The following ROBO1 variants were observed in gnomAD, a reference collection of about 807,000 sequenced individuals.
ROBO1 encodes the protein roundabout guidance receptor 1.
ROBO1 carries 149 observed loss-of-function variants against 195.9 expected under a neutral mutation model. The observed-to-expected ratio is 0.76, with a 90% confidence interval of 0.67 to 0.87. The LOEUF (loss-of-function observed/expected upper bound fraction) is 0.87. ROBO1 is among the 40% of genes least tolerant of loss of function. The probability of loss-of-function intolerance (pLI) is 0.00; values close to 1 mark genes in which losing one functional copy is unlikely to be tolerated. For missense variants in ROBO1, 1,933 were observed against 2,068.3 expected, an observed-to-expected ratio of 0.93 and a Z score of 1.27; for synonymous variants, 816 against 733.2, an observed-to-expected ratio of 1.11 and a Z score of -1.82.
intron 3 of ROBO1, among the ~76,000 whole-genome samples, chr3:78,975,017 C>A (rs1302467263): frequency 1.3e-5 from 2 of 151,996 alleles, no homozygotes; most frequent in African/African-American, 4.8e-5. Flanking sequence ...TAAATCAGAG[C>A]CAGAAAGTTT....
intron 19 of ROBO1, among the ~76,000 whole-genome samples, chr3:78,650,126 C>T (rs1476937993): frequency 6.6e-6 from 1 of 152,062 alleles, no homozygotes; most frequent in Non-Finnish European, 1.5e-5. Flanking sequence ...AAACACCCTA[C>T]CCCTTCCCCA....
In ROBO1 at chr3:79,365,884, A is replaced by G. The variant is rs559482362; in HGVS notation, c.88+223940T>C. 9.3e-4 allele frequency among the ~76,000 whole-genome samples: 132 copies of G among 141,346 alleles called. 2 individuals carry two copies. The East Asian group carries it at 0.023, about 25-fold the overall frequency. The allele number at this position is 141,346 out of a possible 152,430, so 92.7% of individuals were successfully genotyped here. On this transcript the variant is annotated intron_variant, in intron 2 of 30. Transcript: ENST00000464233. ...TGCACTCCAGCCTGGGCGACACAGC[A>G]AGACTCCGTCTCAAAAAAAAAAAAA... is the stretch of plus-strand genomic sequence containing the variant.
At chr3:78,698,351 G>A (rs1053453563) in intron 8 of ROBO1, among the ~76,000 whole-genome samples, 1 of 152,108 alleles carries the variant, frequency 6.6e-6, no homozygotes, top group South Asian at 2.1e-4. Context: ...TACTAGGTAT[G>A]ATTTCTTTTG....
intron 4 of ROBO1, among the ~76,000 whole-genome samples, chr3:78,764,861 T>A (rs955992414): frequency 6.6e-6 from 1 of 152,118 alleles, no homozygotes; most frequent in African/African-American, 2.4e-5. Flanking sequence ...GTTCATTCTG[T>A]CATCATGACA....
At chr3:79,268,941 A>T (rs550287479) in intron 2 of ROBO1, among the ~76,000 whole-genome samples, 1 of 151,882 alleles carries the variant, frequency 6.6e-6, no homozygotes, top group South Asian at 2.1e-4. Flanking sequence ...ATATTTCATA[A>T]TAAGTACAAC....
At chr3:79,252,251 C>T (rs1576879343) in intron 2 of ROBO1, among the ~76,000 whole-genome samples, 1 of 152,060 alleles carries the variant, frequency 6.6e-6, no homozygotes, top group African/African-American at 2.4e-5. Flanking sequence ...CACCAGGAAC[C>T]TATGAATGGG....
At chr3:78,868,345 A>G (rs995387796) in intron 4 of ROBO1, among the ~76,000 whole-genome samples, 6 of 151,260 alleles carry the variant, frequency 4.0e-5, no homozygotes, top group Non-Finnish European at 8.8e-5. Flanking sequence ...TCTTAATGAA[A>G]AAATAAATTC....
chr3:79,283,273 G>A (rs987740876), intron 2 of ROBO1, among the ~76,000 whole-genome samples: 6 of 152,144 alleles, frequency 3.9e-5, no homozygotes, highest in Non-Finnish European at 7.3e-5. Flanking sequence ...GGGGTACTAT[G>A]CTCACTACCT....
At chr3:78,801,226 T>A (rs563672055) in intron 4 of ROBO1, among the ~76,000 whole-genome samples, 1 of 152,322 alleles carries the variant, frequency 6.6e-6, no homozygotes, top group African/African-American at 2.4e-5. Context: ...ATAGAAAGGA[T>A]TCTGGATCGG....
chr3:78,675,433 C>G (rs144915010), intron 10 of ROBO1, among the ~76,000 whole-genome samples: 2 of 152,066 alleles, frequency 1.3e-5, no homozygotes, highest in Non-Finnish European at 2.9e-5. Context: ...GGGTGACAGA[C>G]GGCACCTGGA....
At chr3:78,612,813 A>G (rs367898399) in intron 28 of ROBO1, among the ~76,000 whole-genome samples, 35 of 152,226 alleles carry the variant, frequency 2.3e-4, no homozygotes, top group African/African-American at 8.0e-4. Flanking sequence ...TTTACATTGC[A>G]GTATACACTA....
At chr3:79,203,061 G>T (rs1478430442) in intron 2 of ROBO1, among the ~76,000 whole-genome samples, 1 of 152,098 alleles carries the variant, frequency 6.6e-6, no homozygotes, top group East Asian at 1.9e-4. Context: ...GTGTTGCAAG[G>T]ATTAATAAAT....
intron 4 of ROBO1, among the ~76,000 whole-genome samples, chr3:78,785,482 G>A (rs1254926658): frequency 6.6e-6 from 1 of 152,088 alleles, no homozygotes; most frequent in Non-Finnish European, 1.5e-5. Context: ...TTATTTGATG[G>A]ATTTTTCTTT....
chr3:78,809,509 T>C (rs1314735040), intron 4 of ROBO1, among the ~76,000 whole-genome samples: 1 of 152,202 alleles, frequency 6.6e-6, no homozygotes, highest in Non-Finnish European at 1.5e-5. Context: ...CAAAGGATTA[T>C]AAATCATTCT....
chr3:78,973,481 TTA>T (rs1208480601), intron 3 of ROBO1, among the ~76,000 whole-genome samples: 2 of 145,610 alleles, frequency 1.4e-5, no homozygotes, highest in Non-Finnish European at 3.0e-5. Flanking sequence ...TATATATATA[TTA>T]TATATATAAG....
chr3:79,565,356 ATACTT>A (rs1181968040), intron 2 of ROBO1, among the ~76,000 whole-genome samples: 1 of 148,308 alleles, frequency 6.7e-6, no homozygotes. Flanking sequence ...AATTTAGAGA[ATACTT>A]AATATATGGC....
At chr3:79,487,014 C>T (rs1233778486) in intron 2 of ROBO1, among the ~76,000 whole-genome samples, 2 of 152,070 alleles carry the variant, frequency 1.3e-5, no homozygotes, top group Non-Finnish European at 2.9e-5. Context: ...TATTTGCCAT[C>T]CCACAATGTC....
chr3:78,876,229 A>C (rs1369651628), intron 4 of ROBO1, among the ~76,000 whole-genome samples: 1 of 152,190 alleles, frequency 6.6e-6, no homozygotes, highest in Non-Finnish European at 1.5e-5. Context: ...TTTCAAAAGA[A>C]AGATAAATTT....
intron 2 of ROBO1, among the ~76,000 whole-genome samples, chr3:79,508,655 G>T (rs577697138): frequency 6.6e-6 from 1 of 152,262 alleles, no homozygotes; most frequent in African/African-American, 2.4e-5. Flanking sequence ...ATTAAAATTT[G>T]TGTTAGTATT....
Sources: allele counts gnomAD v4.1 joint callset (sites outside exome capture counted in the v4.1 genomes callset), GRCh38; gene constraint gnomAD v4.1.1; transcripts MANE v1.5; gene names NCBI Gene and HGNC (gene_info 2026-07-23, HGNC 2026-07-21).